ABCG5: variants seen among roughly 807,000 people sequenced by gnomAD.
The protein encoded by ABCG5 is ATP binding cassette subfamily G member 5, also known as ATP-binding cassette sub-family G member 5.
A neutral mutation model predicts 64.5 loss-of-function variants in ABCG5; 64 were observed. The observed-to-expected ratio is 0.99, with a 90% confidence interval of 0.81 to 1.22. The LOEUF (loss-of-function observed/expected upper bound fraction) is 1.22, where lower values mean the gene tolerates loss of function less well. Among genes scored for constraint, ABCG5 ranks in the 50% most tolerant of loss-of-function variants. The probability of loss-of-function intolerance (pLI) is 0.00; values close to 1 mark genes in which losing one functional copy is unlikely to be tolerated. For missense variants in ABCG5, 908 were observed against 829.5 expected, an observed-to-expected ratio of 1.09 and a Z score of -1.16; for synonymous variants, 385 against 326.3, an observed-to-expected ratio of 1.18 and a Z score of -1.94.
downstream of ABCG5, among the ~76,000 whole-genome samples, chr2:43,807,502 AGAT>A (rs755488753): frequency 3.3e-5 from 5 of 151,684 alleles, no homozygotes; most frequent in Non-Finnish European, 5.9e-5. Context: ...TGCAATGGGG[AGAT>A]CATGGCTCAC....
chr2:43,835,808 T>A (rs868227719), intron 2 of ABCG5, among the ~76,000 whole-genome samples: 16 of 152,166 alleles, frequency 1.1e-4, no homozygotes, highest in African/African-American at 3.9e-4. Flanking sequence ...ACACTGAATC[T>A]GTTGACCCCC....
chr2:43,814,723 C>G, intron 11 of ABCG5, 134 bp from the exon 12 acceptor site: 1 of 597,782 alleles, frequency 1.7e-6, no homozygotes, highest in Non-Finnish European at 2.9e-6. Flanking sequence ...ATGATGCTCA[C>G]TATAAAAAAA....
intron 2 of ABCG5, 184 bp from the exon 3 acceptor site, chr2:43,832,267 A>T (rs1356502505): frequency 8.0e-6 from 6 of 751,086 alleles, no homozygotes; most frequent in Non-Finnish European, 1.3e-5. Flanking sequence ...CTGTGCGTGC[A>T]GCAGTCTCAC....
chr2:43,824,805 C>G, intron 7 of ABCG5, 84 bp downstream of exon 7: 4 of 1,582,034 alleles, frequency 2.5e-6, no homozygotes, highest in Non-Finnish European at 3.5e-6. Context: ...ATCAAATCCA[C>G]TAGACTGGTG....
chr2:43,810,707 G>A (rs1342457395), downstream of ABCG5, among the ~76,000 whole-genome samples: 7 of 152,146 alleles, frequency 4.6e-5, no homozygotes, highest in Admixed American at 2.0e-4. Flanking sequence ...TTTGCAGTAC[G>A]TATGGTTCTG....
rs1668383231 is a variant in ABCG5 at position 43,837,893 on chromosome 2, A to C, written c.206T>G (p.Leu69Arg). ...CTCCACGTACAAGGAGACATCTTTG[A>C]GGATCTGCCTGGTCCACTGCTGCCG... ...SCRQQWTRQI[L>R]KDVSLYVESG... The change falls in exon 2 of 13, where the codon CTC becomes CGC. Residue 69 changes from leucine (L) to arginine (R), a missense_variant. Coordinates refer to ENST00000405322, the MANE Select transcript of ABCG5 (RefSeq NM_022436.3). 6.2e-7 allele frequency: 1 copy of C among 1,614,044 alleles called. No homozygotes were observed. The highest frequency in any genetic ancestry group is 8.5e-7 in the Non-Finnish European group (1 of 1,180,020).
the ABCG5 span, among the ~76,000 whole-genome samples, chr2:43,806,310 A>G: frequency 6.6e-6 from 1 of 152,246 alleles, no homozygotes; most frequent in Non-Finnish European, 1.5e-5. Context: ...AAGCCCCAGC[A>G]ACTTCTCAGG....
At chr2:43,828,472 CAAAAAAA>C (rs754944007) in intron 4 of ABCG5, 4,594 of 189,768 alleles carry the variant, frequency 0.024, 213 homozygotes, top group African/African-American at 0.18. Context: ...CCTGTCTCTA[CAAAAAAA>C]AAAAAAAAAA....
intron 2 of ABCG5, among the ~76,000 whole-genome samples, chr2:43,837,263 A>G (rs1668336401): frequency 1.3e-5 from 2 of 151,052 alleles, no homozygotes; most frequent in Non-Finnish European, 3.0e-5. Flanking sequence ...GGGACCGCAG[A>G]CATGCACCAC....
the ABCG5 span, among the ~76,000 whole-genome samples, chr2:43,806,905 T>C: frequency 6.6e-6 from 1 of 152,144 alleles, no homozygotes; most frequent in Admixed American, 6.5e-5. Flanking sequence ...GATTTTTTTT[T>C]AACCTACCTG....
chr2:43,822,786 C>A lies in ABCG5; in HGVS notation c.1463+11G>T. The A allele has an allele frequency of 6.2e-7, 1 of 1,614,100 alleles. No homozygotes were observed. The highest frequency in any genetic ancestry group is 8.5e-7 in the Non-Finnish European group (1 of 1,179,982). On this transcript the variant is annotated intron_variant, in intron 10 of 12. Transcript: ENST00000405322. ...GGAGCCCGGCCCTGGGTGAACTGAA[C>A]AACCCCTCACCAGTAGCACACACTG...
rs1249932834 is a variant in ABCG5, at chr2:43,818,264, C to T, written c.1649+1651G>A. 3.3e-5 allele frequency among the ~76,000 whole-genome samples: 5 copies of T among 151,862 alleles called. No individual in the cohort carries two copies. In the East Asian group the frequency reaches 5.8e-4, roughly 18 times the overall value. ...GTCGAGACTAGCCTGGCCAACATGG[C>T]GAAACCCCATCTCTACTAAAAATAC... On this transcript the variant is annotated intron_variant, in intron 11 of 12. Coordinates refer to ENST00000405322, the MANE Select transcript of ABCG5 (RefSeq NM_022436.3).
chr2:43,813,712 T>G (rs1454012961), intron 12 of ABCG5, among the ~76,000 whole-genome samples: 8 of 112,724 alleles, frequency 7.1e-5, no homozygotes, highest in East Asian at 2.4e-4. Flanking sequence ...TTTTTTCGTT[T>G]TTTTTTTTTT....
Position 43,814,625 on chromosome 2 carries a change from G to T in ABCG5, c.1650-36C>A, listed in dbSNP as rs752622582. On this transcript the variant is annotated intron_variant, in intron 11 of 12. Transcript: ENST00000405322. ...AGAAAACAAAAATGAAATTCAGTAG[G>T]CTCTGGCAATAGTCCTACCAAATGA... 39 of 1,276,034 alleles carry T rather than the reference G, an allele frequency of 3.1e-5. No individual in the cohort carries two copies. In the East Asian group the frequency reaches 8.8e-4, roughly 29 times the overall value. 79.0% of individuals were successfully genotyped at this position (1,276,034 alleles called of 1,614,324 possible).
At chr2:43,815,947 G>A (rs575601180) in intron 11 of ABCG5, among the ~76,000 whole-genome samples, 1 of 145,002 alleles carries the variant, frequency 6.9e-6, no homozygotes, top group East Asian at 2.0e-4. Context: ...TACAAAAAAA[G>A]TTCAACTATG....
Position 43,838,618 on chromosome 2 carries a change from G to T in ABCG5, c.62C>A (p.Ser21Tyr). The change falls in exon 1 of 13, where the codon TCC becomes TAC. Residue 21 changes from serine (S) to tyrosine (Y), a missense_variant. Ser to Tyr is a moderately radical substitution (Grantham distance 144). Coordinates refer to ENST00000405322, the MANE Select transcript of ABCG5 (RefSeq NM_022436.3). The surrounding 1 kb of genome is among the most constrained non-coding windows in gnomAD (Gnocchi z 4.2). ...GSMGLQVNRG[S>Y]QSSLEGAPAT... is the part of the protein sequence containing the mutation. The stretch of plus-strand genomic sequence containing the variant: ...AGGAGCCCCCTCCAGGGAGCTCTGG[G>T]AGCCTCTGTTTACTTGGAGACCCAT... The T allele has an allele frequency of 6.2e-7, 1 of 1,613,060 alleles. No homozygotes were observed. The highest frequency in any genetic ancestry group is 1.1e-5 in the South Asian group (1 of 90,920).
chr2:43,824,680 G>A (rs559839219), intron 7 of ABCG5: 14 of 968,128 alleles, frequency 1.4e-5, no homozygotes, highest in East Asian at 1.1e-4. Context: ...GTAGCAGTGC[G>A]CCAGTTTGTT....
chr2:43,822,481 C>CT (rs1275142194), intron 10 of ABCG5: 1 of 875,626 alleles, frequency 1.1e-6, no homozygotes, highest in Non-Finnish European at 1.4e-6. Flanking sequence ...CCCCCAGGCC[C>CT]CCCCCCATGC....
chr2:43,832,279 C>A, intron 2 of ABCG5, 196 bp from the exon 3 acceptor site: 3 of 685,340 alleles, frequency 4.4e-6, no homozygotes, highest in East Asian at 2.7e-5. Context: ...CAGTCTCACG[C>A]GCAAGTGAGT....
Sources: gnomAD v4.1 joint callset for allele counts (sites outside exome capture counted in the v4.1 genomes callset) on GRCh38, gnomAD v4.1.1 for gene constraint, Gnocchi (gnomAD v3.1) non-coding constraint, MANE v1.5 for transcripts, NCBI Gene and HGNC (gene_info 2026-07-23, HGNC 2026-07-21) for gene names.